ACTR3C: variants seen among roughly 807,000 people sequenced by gnomAD.
ACTR3C encodes the protein actin related protein 3C, also known as actin-related protein 3C.
A neutral mutation model predicts 26.3 loss-of-function variants in ACTR3C; 18 were observed. The observed-to-expected ratio is 0.68, with a 90% CI of 0.47 to 1.01. ACTR3C has a LOEUF of 1.01. Among genes scored for constraint, ACTR3C ranks in the 50% least tolerant of loss-of-function variants. The pLI, the probability that ACTR3C is intolerant of heterozygous loss-of-function variation, is 0.00. For synonymous variants in ACTR3C, 55 were observed against 94.5 expected, an observed-to-expected ratio of 0.58 and a Z score of 2.42; for missense variants, 184 against 250.7, an observed-to-expected ratio of 0.73 and a Z score of 1.80.
At chr7:149,938,462 A>T in the ACTR3C span, among the ~76,000 whole-genome samples, 1 of 152,320 alleles carries the variant, frequency 6.6e-6, no homozygotes, top group East Asian at 1.9e-4. Flanking sequence ...AAAGGAAGAA[A>T]CAGGACAAGA....
chr7:150,071,920 C>T, the ACTR3C span, among the ~76,000 whole-genome samples: 2 of 145,966 alleles, frequency 1.4e-5, 1 homozygote. Flanking sequence ...AGTGAAAGAT[C>T]GGAGCAGGCG....
chr7:149,927,799 AAAG>A, the ACTR3C span, among the ~76,000 whole-genome samples: 1 of 152,156 alleles, frequency 6.6e-6, no homozygotes, highest in Non-Finnish European at 1.5e-5. Flanking sequence ...TAAGCAAAAT[AAAG>A]AACGATGTAC....
chr7:150,080,524 T>C, the ACTR3C span, among the ~76,000 whole-genome samples: 6 of 135,780 alleles, frequency 4.4e-5, no homozygotes, highest in Admixed American at 4.6e-4. Context: ...TGTTTGTGTG[T>C]GTATGTGTGT....
At chr7:150,093,918 CTT>C in the ACTR3C span, among the ~76,000 whole-genome samples, 1 of 150,800 alleles carries the variant, frequency 6.6e-6, no homozygotes, top group African/African-American at 2.5e-5. Flanking sequence ...TGCAGATAGT[CTT>C]TTAAGTGCTC....
chr7:150,294,597 A>T (rs973758297), intron 2 of ACTR3C, among the ~76,000 whole-genome samples: 16 of 152,236 alleles, frequency 1.1e-4, no homozygotes, highest in African/African-American at 3.9e-4. Flanking sequence ...GGCACTGTGA[A>T]TCAGCCCGAG....
At chr7:150,254,524 A>G (rs1160619389) in intron 6 of ACTR3C, among the ~76,000 whole-genome samples, 3 of 152,178 alleles carry the variant, frequency 2.0e-5, no homozygotes, top group African/African-American at 7.2e-5. Flanking sequence ...CCTCCCAGAC[A>G]GTATCAAAGA....
the ACTR3C span, among the ~76,000 whole-genome samples, chr7:150,157,575 C>T: frequency 6.6e-6 from 1 of 151,974 alleles, no homozygotes; most frequent in Non-Finnish European, 1.5e-5. Context: ...TGCTCTCTAC[C>T]AGCAAGTCAT....
chr7:150,098,419 A>C, the ACTR3C span, among the ~76,000 whole-genome samples: 19 of 151,948 alleles, frequency 1.3e-4, no homozygotes, highest in Admixed American at 2.6e-4. Context: ...AGGCCTAAAA[A>C]AGCAGTCAAG....
the ACTR3C span, among the ~76,000 whole-genome samples, chr7:150,172,013 T>C: frequency 6.6e-6 from 1 of 150,642 alleles, no homozygotes; most frequent in Non-Finnish European, 1.5e-5. Context: ...GGTTGCACCA[T>C]GTTGGCCAGG....
chr7:150,054,414 A>G, the ACTR3C span, among the ~76,000 whole-genome samples: 58 of 152,358 alleles, frequency 3.8e-4, no homozygotes, highest in African/African-American at 1.4e-3. Context: ...TGATGCAGGC[A>G]GAGGCTTTGC....
At chr7:150,250,420 G>C (rs1832766199) in intron 6 of ACTR3C, among the ~76,000 whole-genome samples, 1 of 151,688 alleles carries the variant, frequency 6.6e-6, no homozygotes, top group Non-Finnish European at 1.5e-5. Flanking sequence ...AGCCAGGATG[G>C]TCTTGACCTC....
At chr7:150,250,507 T>G (rs1404743105) in intron 6 of ACTR3C, among the ~76,000 whole-genome samples, 1 of 151,860 alleles carries the variant, frequency 6.6e-6, no homozygotes, top group Non-Finnish European at 1.5e-5. Flanking sequence ...CCGGCCGACT[T>G]GAATTTTTAA....
chr7:150,249,638 A>G (rs1042220061), intron 6 of ACTR3C, among the ~76,000 whole-genome samples: 1 of 152,100 alleles, frequency 6.6e-6, no homozygotes, highest in African/African-American at 2.4e-5. Context: ...TGTTTTTAGT[A>G]GAGATGGGGT....
At chr7:150,308,845 G>A (rs1413063324) in intron 1 of ACTR3C, among the ~76,000 whole-genome samples, 1 of 152,116 alleles carries the variant, frequency 6.6e-6, no homozygotes, top group Non-Finnish European at 1.5e-5. Context: ...GCACAGTAAG[G>A]GTTCATGTAC....
the ACTR3C span, among the ~76,000 whole-genome samples, chr7:150,171,328 A>C: frequency 6.7e-6 from 1 of 150,146 alleles, no homozygotes; most frequent in Non-Finnish European, 1.5e-5. Flanking sequence ...GCTGGAATAT[A>C]TCCAAATATT....
the ACTR3C span, among the ~76,000 whole-genome samples, chr7:150,170,826 G>A: frequency 0.044 from 6,197 of 141,574 alleles, 5 homozygotes; most frequent in African/African-American, 0.063. Flanking sequence ...AGAGCCAGAG[G>A]AGCACGTTAA....
At chr7:149,930,626 C>A in the ACTR3C span, among the ~76,000 whole-genome samples, 2,005 of 152,272 alleles carry the variant, frequency 0.013, 30 homozygotes, top group African/African-American at 0.044. Context: ...GACAGGTCAG[C>A]AGCCTGAGAC....
chr7:149,981,977 G>A, the ACTR3C span, among the ~76,000 whole-genome samples: 1 of 152,204 alleles, frequency 6.6e-6, no homozygotes, highest in Non-Finnish European at 1.5e-5. Context: ...GTTTTAGAAT[G>A]AGACCCATGG....
chr7:149,928,198 TTTTC>T, the ACTR3C span, among the ~76,000 whole-genome samples: 2 of 114,620 alleles, frequency 1.7e-5, no homozygotes, highest in Admixed American at 8.3e-5. Flanking sequence ...TCTTTTTTTC[TTTTC>T]TTTTTTTTTT....
Sources: gnomAD v4.1 joint callset for allele counts (sites outside exome capture counted in the v4.1 genomes callset) on GRCh38, gnomAD v4.1.1 for gene constraint, MANE v1.5 for transcripts, NCBI Gene and HGNC (gene_info 2026-07-23, HGNC 2026-07-21) for gene names.